Variants in SGCD observed in about 807,000 individuals in gnomAD.
SGCD encodes delta-sarcoglycan.
A neutral mutation model predicts 36.6 loss-of-function variants in SGCD; 18 were observed. The observed-to-expected ratio is 0.49, with a 90% CI of 0.34 to 0.73. SGCD has a LOEUF of 0.73. Ranked by LOEUF, SGCD falls within the 30% of genes least tolerant of loss-of-function variation. The pLI is 0.01. For synonymous variants in SGCD, 133 were observed against 130.6 expected (o/e 1.02, Z -0.12); for missense variants, 387 against 346.7 (o/e 1.12, Z -0.92).
chr5:156,375,615 TA>T (rs1020662772), intron 3 of SGCD, among the ~76,000 whole-genome samples: 1 of 152,120 alleles, frequency 6.6e-6, no homozygotes, highest in Admixed American at 6.5e-5. Context: ...CCGTGGAAAA[TA>T]AAGATGTTTT....
At chr5:156,453,707 A>G (rs903626493) in intron 3 of SGCD, among the ~76,000 whole-genome samples, 6 of 152,166 alleles carry the variant, frequency 3.9e-5, no homozygotes, top group African/African-American at 1.4e-4. Flanking sequence ...TCAAATGGCA[A>G]TAGTGCCAAG....
At chr5:156,595,414 T>C (rs1313667415) in intron 6 of SGCD, among the ~76,000 whole-genome samples, 1 of 152,154 alleles carries the variant, frequency 6.6e-6, no homozygotes, top group African/African-American at 2.4e-5. Flanking sequence ...CAATTTCTGT[T>C]GTTTATAAGC....
rs182354946 is a variant in SGCD at position 155,905,665 on chromosome 5, T to C, written c.-282+35241T>C. On this transcript the variant is annotated intron_variant, in intron 1 of 9. Coordinates refer to the SGCD transcript ENST00000517913. The stretch of plus-strand genomic sequence containing the variant: ...TTGTATCTCCCAGGATTCCCACATG[T>C]TGTGGGAGGGACCCAGGGAGAGGTA... Among the ~76,000 whole-genome samples the C allele has an allele frequency of 1.2e-4, 19 of 152,264 alleles. 1 individual carries two copies. The East Asian group carries it at 3.7e-3, about 29-fold the overall frequency.
intron 1 of SGCD, among the ~76,000 whole-genome samples, chr5:155,870,700 C>A (rs1755614339): frequency 1.3e-5 from 2 of 152,104 alleles, no homozygotes; most frequent in South Asian, 4.2e-4. Context: ...CTACCTGCCC[C>A]CACAATTCTC....
intron 1 of SGCD, among the ~76,000 whole-genome samples, chr5:156,037,234 C>G (rs1759521205): frequency 6.6e-6 from 1 of 152,068 alleles, no homozygotes; most frequent in African/African-American, 2.4e-5. Context: ...TGAAAGCTTC[C>G]CTGAGAGAGG....
At chr5:156,651,515 T>C (rs1048340635) in intron 7 of SGCD, among the ~76,000 whole-genome samples, 1 of 152,174 alleles carries the variant, frequency 6.6e-6, no homozygotes, top group African/African-American at 2.4e-5. Context: ...TTCTTCTGCA[T>C]GTGATTAGCC....
At chr5:156,541,680 G>A (rs1304394135) in intron 4 of SGCD, among the ~76,000 whole-genome samples, 1 of 152,126 alleles carries the variant, frequency 6.6e-6, no homozygotes, top group Admixed American at 6.5e-5. Flanking sequence ...TAACATTTAT[G>A]GAGACCTTAA....
chr5:156,028,485 C>G (rs931296036), intron 1 of SGCD, among the ~76,000 whole-genome samples: 1 of 152,148 alleles, frequency 6.6e-6, no homozygotes, highest in South Asian at 2.1e-4. Context: ...AAAATGATAG[C>G]AATAATTTTT....
rs188758214 is a variant in SGCD, at chr5:156,018,810, T to A, written c.-281-99068T>A. ...TCAGCATTCATACACAGGCACTTTTTTTCTTCACCAAAGCATTGAGGGCAA... is the reference window on the plus strand; with the variant it reads ...TCAGCATTCATACACAGGCACTTTTATTCTTCACCAAAGCATTGAGGGCAA... On this transcript the variant is annotated intron_variant, in intron 1 of 9. Transcript: ENST00000517913. Among the ~76,000 whole-genome samples, 528 of 152,340 alleles carry A rather than the reference T, an allele frequency of 3.5e-3. 2 individuals carry two copies. Among genetic ancestry groups the A allele is most frequent in the African/African-American group, 6.1e-3 (252 of 41,590 alleles).
At chr5:156,088,499 GT>G (rs1255265674) in intron 1 of SGCD, among the ~76,000 whole-genome samples, 1 of 151,834 alleles carries the variant, frequency 6.6e-6, no homozygotes, top group Non-Finnish European at 1.5e-5. Context: ...GGGTTTGTTT[GT>G]TTGTTTGTTT....
chr5:156,041,303 T>C (rs1321843288), intron 1 of SGCD, among the ~76,000 whole-genome samples: 2 of 152,234 alleles, frequency 1.3e-5, no homozygotes, highest in African/African-American at 4.8e-5. Context: ...GTTGATTGCC[T>C]TGTACTTCGG....
chr5:156,207,772 AAAC>A (rs2127639625), intron 3 of SGCD, among the ~76,000 whole-genome samples: 1 of 152,276 alleles, frequency 6.6e-6, no homozygotes, highest in Non-Finnish European at 1.5e-5. Flanking sequence ...GGCAGAAAGA[AAAC>A]AAGTGTTCTT....
chr5:156,304,042 G>A (rs1218871862), intron 3 of SGCD, among the ~76,000 whole-genome samples: 2 of 152,074 alleles, frequency 1.3e-5, no homozygotes, highest in African/African-American at 4.8e-5. Flanking sequence ...ACTTGCACAG[G>A]AATTGCAGTC....
intron 3 of SGCD, chr5:156,393,849 T>G: frequency 2.2e-6 from 1 of 456,252 alleles, no homozygotes; most frequent in Non-Finnish European, 4.4e-6. Context: ...CAGATTCCAG[T>G]ACCCACTTTG....
intron 3 of SGCD, among the ~76,000 whole-genome samples, chr5:156,424,505 C>T (rs919450799): frequency 1.3e-5 from 2 of 152,192 alleles, no homozygotes; most frequent in Non-Finnish European, 2.9e-5. Context: ...GGAAACCATT[C>T]CAAATTTTTG....
At chr5:156,739,913 A>C (rs1382763771) in intron 7 of SGCD, 2 of 152,160 alleles carry the variant, frequency 1.3e-5, no homozygotes, top group Non-Finnish European at 2.9e-5. Context: ...CAAAAAGCAC[A>C]TCCATGGTAT....
Position 156,054,815 on chromosome 5 carries a change from A to G in SGCD, c.-281-63063A>G, listed in dbSNP as rs536271318. 2.7e-5 allele frequency among the ~76,000 whole-genome samples: 4 copies of G among 146,772 alleles called. 1 individual carries two copies. In the South Asian group the frequency reaches 8.6e-4, roughly 31 times the overall value. On this transcript the variant is annotated intron_variant, in intron 1 of 9. Coordinates refer to the SGCD transcript ENST00000517913. ...TCTGATTTATTGAGTACATAATTCT[A>G]TATTAAGTTATAAATACACAAACAG...
At chr5:155,753,334 T>TCAAAAAAAAAAAAAAAAAAAAA in the SGCD span, among the ~76,000 whole-genome samples, 63 of 135,828 alleles carry the variant, frequency 4.6e-4, 5 homozygotes, top group African/African-American at 2.1e-3. Flanking sequence ...AGACTTTGTC[T>TCAAAAAAAAAAAAAAAAAAAAA]AAAAAAAAAA....
chr5:155,758,935 C>T, the SGCD span, among the ~76,000 whole-genome samples: 30 of 152,076 alleles, frequency 2.0e-4, no homozygotes, highest in Admixed American at 7.9e-4. Context: ...GTCAGTTTAC[C>T]GTGATATTTG....
Sources: gnomAD v4.1 joint callset for allele counts (sites outside exome capture counted in the v4.1 genomes callset) on GRCh38, gnomAD v4.1.1 for gene constraint, MANE v1.5 for transcripts, NCBI Gene and HGNC (gene_info 2026-07-23, HGNC 2026-07-21) for gene names.